Variants in ESM1 observed in about 807,000 individuals in gnomAD.
ESM1 encodes endothelial cell specific molecule 1, also known as endothelial cell-specific molecule 1.
A neutral mutation model predicts 14.9 loss-of-function variants in ESM1; 7 were observed. The observed-to-expected ratio is 0.47, with a 90% CI of 0.27 to 0.88. The LOEUF is 0.88. Ranked by LOEUF, ESM1 falls within the 40% of genes least tolerant of loss-of-function variation. The pLI is 0.14. For synonymous variants in ESM1, 89 were observed against 89.4 expected (o/e 1.00, Z 0.02); for missense variants, 192 against 237.9 (o/e 0.81, Z 1.27).
In ESM1 at chr5:54,985,587, G is replaced by C; in HGVS notation, c.-70C>G. 7.0e-7 allele frequency: 1 copy of C among 1,421,854 alleles called. No homozygotes were observed. The highest frequency in any genetic ancestry group is 9.6e-7 in the Non-Finnish European group (1 of 1,046,550). 88.1% of individuals were successfully genotyped at this position (1,421,854 alleles called of 1,614,324 possible). ...CTGGTGGGAAGCAGCCGTCCAAACT[G>C]GTAGCTGAGCCTCTGCCTACACGTT... On this transcript the variant is annotated 5_prime_UTR_variant, in exon 1 of 3. Transcript: ENST00000381405.
At position 54,982,095 on chromosome 5, in the gene ESM1, T is replaced by A; in HGVS notation, c.353A>T (p.Gln118Leu). 1 of 1,614,100 alleles carries A rather than the reference T, an allele frequency of 6.2e-7. No homozygotes were observed. The highest frequency in any genetic ancestry group is 8.5e-7 in the Non-Finnish European group (1 of 1,179,936). ...CGTCCCCCTGTCACAGATGCCTGACTGGCAGTTGCAGGTCTCTCTGCAATC... is the reference window on the plus strand; with the variant it reads ...CGTCCCCCTGTCACAGATGCCTGACAGGCAGTTGCAGGTCTCTCTGCAATC... Reference protein sequence around the residue: ...GMDCRETCNCQSGICDRGTGK... With the variant: ...GMDCRETCNCLSGICDRGTGK... The change falls in exon 2 of 3, where the codon CAG becomes CTG. Residue 118 changes from glutamine (Q) to leucine (L), a missense_variant. Coordinates refer to ENST00000381405, the MANE Select transcript of ESM1 (RefSeq NM_007036.5).
chr5:54,981,911 T>A, intron 2 of ESM1, 86 bp downstream of exon 2: 5 of 1,343,124 alleles, frequency 3.7e-6, no homozygotes, highest in Non-Finnish European at 5.2e-6. Context: ...CCAATCCACA[T>A]CTTATTCTAC....
intron 2 of ESM1, 126 bp downstream of exon 2, chr5:54,981,871 C>T (rs1027100245): frequency 3.7e-5 from 37 of 1,010,186 alleles, no homozygotes; most frequent in Non-Finnish European, 8.7e-6. Context: ...CCACCGTTCC[C>T]CTGAGTAAAG....
chr5:54,982,584 A>G (rs1412503231), intron 1 of ESM1, among the ~76,000 whole-genome samples: 1 of 152,216 alleles, frequency 6.6e-6, no homozygotes. Flanking sequence ...ATTCACAGAT[A>G]ATTTACTATT....
In ESM1 at chr5:54,985,290, C is replaced by G; in HGVS notation, c.228G>C (p.Lys76Asn). The change falls in exon 1 of 3, where the codon AAG becomes AAC. Residue 76 changes from lysine (K) to asparagine (N), a missense_variant. Coordinates refer to ENST00000381405, the MANE Select transcript of ESM1 (RefSeq NM_007036.5). ...YRTVSGMDGM[K>N]CGPGLRCQPS... is the part of the protein sequence containing the mutation. ...GCTGACACCTCAGCCCCGGGCCACACTTCATGCCATCCATGCCTGAGACTG... is the reference window on the plus strand; with the variant it reads ...GCTGACACCTCAGCCCCGGGCCACAGTTCATGCCATCCATGCCTGAGACTG... 1.2e-6 allele frequency: 2 copies of G among 1,614,218 alleles called. No individual in the cohort carries two copies. Among genetic ancestry groups the G allele is most frequent in the Non-Finnish European group, 1.7e-6 (2 of 1,180,050 alleles).
chr5:54,978,824 A>G lies in ESM1; in HGVS notation c.*508T>C, dbSNP rs532989765. On this transcript the variant is annotated 3_prime_UTR_variant, in exon 3 of 3. Coordinates refer to ENST00000381405, the MANE Select transcript of ESM1 (RefSeq NM_007036.5). The stretch of plus-strand genomic sequence containing the variant: ...GGTTGTTTTATTTTGACTTTTCCCA[A>G]AGCCAAAAAAAAAAAAAAAAGCACA... 2.2e-5 allele frequency: 2 copies of G among 89,414 alleles called. No homozygotes were observed. The highest frequency in any genetic ancestry group is 7.5e-4 in the South Asian group (2 of 2,660). 5.5% of individuals were successfully genotyped at this position (89,414 alleles called of 1,614,324 possible).
chr5:54,980,373 T>C (rs1355787072), intron 2 of ESM1, among the ~76,000 whole-genome samples: 1 of 152,176 alleles, frequency 6.6e-6, no homozygotes, highest in African/African-American at 2.4e-5. Context: ...GCAGAGGTGA[T>C]GTGAAGCCTG....
At position 54,982,033 on chromosome 5, in the gene ESM1, C is replaced by G; in HGVS notation, c.415G>C (p.Val139Leu). The part of the protein sequence containing the change: ...CLKFPFFQYS[V>L]TKSSNRFVSL... ...ACAAATCTGTTGGAAGACTTGGTTA[C>G]TGAATATTGGAAGAAGGGGAATTTC... is the stretch of plus-strand genomic sequence containing the variant. Residue 139 changes from valine to leucine, a missense_variant, in exon 2 of 3, where the codon GTA (valine) becomes CTA (leucine). Physicochemically the swap from Val to Leu is conservative, Grantham distance 32. Transcript: ENST00000381405. 6.2e-7 allele frequency: 1 copy of G among 1,614,138 alleles called. No individual in the cohort carries two copies. Among genetic ancestry groups the G allele is most frequent in the Non-Finnish European group, 8.5e-7 (1 of 1,179,998 alleles).
At chr5:54,984,602 C>T (rs1740492409) in intron 1 of ESM1, among the ~76,000 whole-genome samples, 1 of 152,158 alleles carries the variant, frequency 6.6e-6, no homozygotes, top group African/African-American at 2.4e-5. Flanking sequence ...ACACCATCTG[C>T]TATTTTTCCA....
At chr5:54,984,700 C>T (rs939013684) in intron 1 of ESM1, among the ~76,000 whole-genome samples, 4 of 152,156 alleles carry the variant, frequency 2.6e-5, no homozygotes, top group Non-Finnish European at 5.9e-5. Context: ...TGTTAGATGA[C>T]TTAAGCTCAC....
chr5:54,979,434 C>T lies in ESM1; in HGVS notation c.453G>A (p.Glu151=). The T allele has an allele frequency of 6.2e-7, 1 of 1,600,278 alleles. No individual in the cohort carries two copies. The highest frequency in any genetic ancestry group is 1.1e-5 in the South Asian group (1 of 90,746). Residue 151 remains glutamate, a splice_region_variant and synonymous_variant, in exon 3 of 3, where the codon GAG becomes GAA. Coordinates refer to ENST00000381405, the MANE Select transcript of ESM1 (RefSeq NM_007036.5). ...KSSNRFVSLT[E]HDMASGDGNI... The stretch of plus-strand genomic sequence containing the variant: ...TGCCATCTCCAGATGCCATGTCATG[C>T]TCTGAAAGTAGACGGAATACAAATC...
rs116091972 is a variant in ESM1 at position 54,979,276 on chromosome 5, G to T, written c.*56C>A. The T allele has an allele frequency of 3.2e-6, 4 of 1,254,790 alleles. No homozygotes were observed. Among genetic ancestry groups the T allele is most frequent in the Non-Finnish European group, 4.7e-6 (4 of 856,184 alleles). 77.7% of individuals were successfully genotyped at this position (1,254,790 alleles called of 1,614,324 possible). A position where few individuals can be genotyped will look rare whatever the true frequency, so the allele number is the denominator to read the frequency against. On this transcript the variant is annotated 3_prime_UTR_variant, in exon 3 of 3. Transcript: ENST00000381405. Reference sequence around the variant, plus strand: ...AATCTAGAAAGTTCCTAAAATGTTGGCTGTGTGTTGAACAATCACGAAAAT... The same window carrying T: ...AATCTAGAAAGTTCCTAAAATGTTGTCTGTGTGTTGAACAATCACGAAAAT...
At chr5:54,985,089 G>T in intron 1 of ESM1, 128 bp downstream of exon 1, 1 of 786,412 alleles carries the variant, frequency 1.3e-6, no homozygotes, top group Non-Finnish European at 2.1e-6. Flanking sequence ...ATACCTGTGT[G>T]GTGCCTTGTC....
At chr5:54,982,587 T>C (rs112006554) in intron 1 of ESM1, among the ~76,000 whole-genome samples, 2,418 of 152,314 alleles carry the variant, frequency 0.016, 46 homozygotes, top group African/African-American at 0.052. Flanking sequence ...CACAGATAAT[T>C]TACTATTTTA....
At chr5:54,983,744 C>T (rs755144802) in intron 1 of ESM1, among the ~76,000 whole-genome samples, 1 of 152,176 alleles carries the variant, frequency 6.6e-6, no homozygotes. Flanking sequence ...GTGCTAAAGA[C>T]TCCAGATGCC....
intron 1 of ESM1, among the ~76,000 whole-genome samples, chr5:54,984,422 A>G (rs1332229986): frequency 1.3e-5 from 2 of 152,198 alleles, no homozygotes; most frequent in Admixed American, 1.3e-4. Flanking sequence ...AAAATGTTAA[A>G]TATTTTAAAC....
rs976308344 is a variant in ESM1 at position 54,978,128 on chromosome 5, A to G, written c.*1204T>C. The stretch of plus-strand genomic sequence containing the variant: ...CTAAGATTCTTTCAAATATACTCCT[A>G]ATTCCACTTATCAACCAAGTTTAAA... On this transcript the variant is annotated 3_prime_UTR_variant, in exon 3 of 3. Transcript: ENST00000381405. 2.0e-5 allele frequency: 3 copies of G among 152,206 alleles called. No individual in the cohort carries two copies. Among genetic ancestry groups the G allele is most frequent in the Admixed American group, 2.0e-4 (3 of 15,282 alleles). 9.4% of individuals were successfully genotyped at this position (152,206 alleles called of 1,614,324 possible). A position where few individuals can be genotyped will look rare whatever the true frequency, so the allele number is the denominator to read the frequency against.
At chr5:54,980,800 A>T (rs185660809) in intron 2 of ESM1, among the ~76,000 whole-genome samples, 42 of 152,298 alleles carry the variant, frequency 2.8e-4, no homozygotes, top group African/African-American at 1.0e-3. Context: ...TGTTTAGTTG[A>T]CCCATACATA....
intron 2 of ESM1, among the ~76,000 whole-genome samples, 177 bp downstream of exon 2, chr5:54,981,820 C>T (rs1744057234): frequency 6.6e-6 from 1 of 152,104 alleles, no homozygotes; most frequent in African/African-American, 2.4e-5. Context: ...TTGATGGGCT[C>T]TTTTTAGAAA....
Sources: gnomAD v4.1 joint callset for allele counts (sites outside exome capture counted in the v4.1 genomes callset) on GRCh38, gnomAD v4.1.1 for gene constraint, MANE v1.5 for transcripts, NCBI Gene and HGNC (gene_info 2026-07-23, HGNC 2026-07-21) for gene names.